SORCS1: variants seen among roughly 807,000 people sequenced by gnomAD.
The protein encoded by SORCS1 is sortilin related VPS10 domain containing receptor 1, also known as VPS10 domain-containing receptor SorCS1.
In SORCS1, 60 loss-of-function variants were observed where a neutral mutation model predicts 146.1. That is an observed-to-expected ratio of 0.41 (90% confidence interval 0.33 to 0.51). The LOEUF is 0.51. SORCS1 is among the 20% of genes least tolerant of loss of function. The pLI is 0.21. For synonymous variants in SORCS1, 637 were observed against 584.0 expected (o/e 1.09, Z -1.31); for missense variants, 1,352 against 1,487.6 (o/e 0.91, Z 1.50).
At chr10:107,083,349 T>C (rs890623219) in intron 1 of SORCS1, among the ~76,000 whole-genome samples, 6 of 152,188 alleles carry the variant, frequency 3.9e-5, no homozygotes, top group Non-Finnish European at 5.9e-5. Flanking sequence ...ATAGCTCATA[T>C]ATTTCAAATT....
chr10:107,115,162 A>C (rs1449772892), intron 1 of SORCS1, among the ~76,000 whole-genome samples: 1 of 152,102 alleles, frequency 6.6e-6, no homozygotes, highest in Non-Finnish European at 1.5e-5. Flanking sequence ...AATATTGTTT[A>C]AACGTCCATA....
intron 2 of SORCS1, among the ~76,000 whole-genome samples, chr10:106,956,085 C>T (rs188880419): frequency 6.6e-5 from 10 of 151,780 alleles, no homozygotes; most frequent in African/African-American, 1.7e-4. Context: ...AGCCGAGATG[C>T]GCCATTGCAC....
At chr10:106,901,629 T>TTTCA (rs1416491191) in intron 2 of SORCS1, among the ~76,000 whole-genome samples, 1 of 151,788 alleles carries the variant, frequency 6.6e-6, no homozygotes, top group African/African-American at 2.4e-5. Flanking sequence ...AGAGATGGGG[T>TTTCA]TTCACCATGT....
At chr10:107,105,990 G>A (rs776102692) in intron 1 of SORCS1, among the ~76,000 whole-genome samples, 26 of 152,182 alleles carry the variant, frequency 1.7e-4, no homozygotes, top group Non-Finnish European at 3.7e-4. Context: ...ATAAAAAATA[G>A]TCCAGGAAGT....
At chr10:107,105,587 G>A (rs151034871) in intron 1 of SORCS1, among the ~76,000 whole-genome samples, 37 of 152,304 alleles carry the variant, frequency 2.4e-4, no homozygotes, top group African/African-American at 8.4e-4. Flanking sequence ...AGAACTTTGA[G>A]TCTGATGTTC....
intron 1 of SORCS1, among the ~76,000 whole-genome samples, chr10:107,072,221 G>T (rs1962489275): frequency 6.6e-6 from 1 of 152,162 alleles, no homozygotes; most frequent in South Asian, 2.1e-4. Flanking sequence ...TCTGCTTGCA[G>T]AGCTTAACAG....
At chr10:106,977,291 G>A (rs1329031475) in intron 1 of SORCS1, among the ~76,000 whole-genome samples, 2 of 152,214 alleles carry the variant, frequency 1.3e-5, no homozygotes, top group African/African-American at 4.8e-5. Flanking sequence ...AATGATCCAT[G>A]ATGATGAGCT....
chr10:106,812,174 G>A (rs1947494103), intron 3 of SORCS1, among the ~76,000 whole-genome samples: 1 of 152,092 alleles, frequency 6.6e-6, no homozygotes, highest in Admixed American at 6.6e-5. Context: ...CTAATTTTTT[G>A]TATTTTTAGT....
At chr10:106,593,882 CT>C (rs1031260805) in intron 24 of SORCS1, among the ~76,000 whole-genome samples, 58 of 152,334 alleles carry the variant, frequency 3.8e-4, no homozygotes, top group African/African-American at 1.3e-3. Flanking sequence ...ATATACCTCC[CT>C]TTTGCCAGCC....
intron 1 of SORCS1, among the ~76,000 whole-genome samples, chr10:106,991,873 T>C (rs917507607): frequency 2.0e-5 from 3 of 152,244 alleles, no homozygotes; most frequent in Admixed American, 2.0e-4. Context: ...TTTACAACTA[T>C]GTAAACGTCT....
intron 9 of SORCS1, among the ~76,000 whole-genome samples, chr10:106,696,375 G>T (rs1211604853): frequency 2.0e-5 from 3 of 152,204 alleles, no homozygotes; most frequent in African/African-American, 7.2e-5. Context: ...AGAACAATCA[G>T]ATTTAAGGGA....
At chr10:107,135,659 C>A (rs1170564325) in intron 1 of SORCS1, among the ~76,000 whole-genome samples, 1 of 152,142 alleles carries the variant, frequency 6.6e-6, no homozygotes, top group Non-Finnish European at 1.5e-5. Flanking sequence ...CTGATTAACA[C>A]CGTATTGTCC....
intron 18 of SORCS1, among the ~76,000 whole-genome samples, chr10:106,648,860 A>G (rs924834193): frequency 2.0e-5 from 3 of 151,846 alleles, no homozygotes. Context: ...CCCTGCCCCC[A>G]TCCTGTGCCT....
At chr10:107,046,956 C>T (rs1959523274) in intron 1 of SORCS1, among the ~76,000 whole-genome samples, 1 of 152,108 alleles carries the variant, frequency 6.6e-6, no homozygotes, top group Admixed American at 6.6e-5. Flanking sequence ...GATCATCTGG[C>T]ATTCTGTTTT....
chr10:106,894,486 C>T (rs1471294010), intron 2 of SORCS1, among the ~76,000 whole-genome samples: 1 of 152,032 alleles, frequency 6.6e-6, no homozygotes, highest in Non-Finnish European at 1.5e-5. Context: ...ATCTGGTGAT[C>T]TCAGGCAGGT....
chr10:106,962,968 C>A (rs1955311427), intron 1 of SORCS1, among the ~76,000 whole-genome samples: 1 of 152,000 alleles, frequency 6.6e-6, no homozygotes, highest in South Asian at 2.1e-4. Flanking sequence ...TGCTGGAGAC[C>A]AATTGTTTAG....
At chr10:106,625,962 T>C (rs992693894) in intron 19 of SORCS1, among the ~76,000 whole-genome samples, 2 of 152,208 alleles carry the variant, frequency 1.3e-5, no homozygotes, top group African/African-American at 2.4e-5. Flanking sequence ...CAGTGAATAC[T>C]ATCCCCAAGG....
At chr10:107,031,616 T>TG (rs1336217447) in intron 1 of SORCS1, among the ~76,000 whole-genome samples, 1 of 150,224 alleles carries the variant, frequency 6.7e-6, no homozygotes, top group Non-Finnish European at 1.5e-5. Context: ...TTTTTTTTGG[T>TG]GGGGGGGAAT....
intron 1 of SORCS1, among the ~76,000 whole-genome samples, chr10:107,002,856 C>T (rs1957275109): frequency 6.6e-6 from 1 of 152,188 alleles, no homozygotes; most frequent in African/African-American, 2.4e-5. Flanking sequence ...TAATTGCTGA[C>T]ATGCATCATT....
Sources: allele counts gnomAD v4.1 joint callset (sites outside exome capture counted in the v4.1 genomes callset), GRCh38; gene constraint gnomAD v4.1.1; transcripts MANE v1.5; gene names NCBI Gene and HGNC (gene_info 2026-07-23, HGNC 2026-07-21).